The following SCUBE1 variants were observed in gnomAD, a reference collection of about 807,000 sequenced individuals.
SCUBE1 encodes the protein signal peptide, CUB and EGF-like domain-containing protein 1.
SCUBE1 carries 59 observed loss-of-function variants against 124.4 expected under a neutral mutation model. The ratio of observed to expected loss-of-function variants is 0.47; its 90% CI spans 0.38 to 0.59. The LOEUF (loss-of-function observed/expected upper bound fraction) is 0.59, where lower values mean the gene tolerates loss of function less well. Ranked by LOEUF, SCUBE1 falls within the 20% of genes least tolerant of loss-of-function variation. The probability of loss-of-function intolerance (pLI) is 0.00; values close to 1 mark genes in which losing one functional copy is unlikely to be tolerated. For missense variants in SCUBE1, 1,150 were observed against 1,371.2 expected, an observed-to-expected ratio of 0.84 and a Z score of 2.55; for synonymous variants, 545 against 550.9, an observed-to-expected ratio of 0.99 and a Z score of 0.15.
At chr22:43,215,412 A>G (rs1009230298) in intron 15 of SCUBE1, among the ~76,000 whole-genome samples, 1 of 152,222 alleles carries the variant, frequency 6.6e-6, no homozygotes, top group African/African-American at 2.4e-5. Context: ...GTGACTAGTG[A>G]GCGTGGAACA....
At chr22:43,311,876 C>T (rs1926182980) in intron 3 of SCUBE1, among the ~76,000 whole-genome samples, 1 of 152,266 alleles carries the variant, frequency 6.6e-6, no homozygotes, top group South Asian at 2.1e-4. Context: ...GTATTTAGGA[C>T]CCTAAAACTC....
intron 7 of SCUBE1, among the ~76,000 whole-genome samples, chr22:43,236,790 A>G (rs2146683951): frequency 6.6e-6 from 1 of 152,266 alleles, no homozygotes; most frequent in Middle Eastern, 3.4e-3. Context: ...ATACTCAATT[A>G]TCTCAGTGAT....
At chr22:43,253,048 C>T (rs966745359) in intron 6 of SCUBE1, among the ~76,000 whole-genome samples, 1 of 145,544 alleles carries the variant, frequency 6.9e-6, no homozygotes, top group African/African-American at 2.7e-5. Flanking sequence ...TCTATTAATA[C>T]AATGTGGGGG....
At chr22:43,312,252 T>C (rs1926196373) in intron 3 of SCUBE1, among the ~76,000 whole-genome samples, 2 of 152,210 alleles carry the variant, frequency 1.3e-5, no homozygotes, top group African/African-American at 4.8e-5. Context: ...CAAATTCTGC[T>C]TTTGGGGAAG....
At chr22:43,233,512 C>A (rs9620126) in intron 7 of SCUBE1, 35,750 of 152,096 alleles carry the variant, frequency 0.24, 4,596 homozygotes, top group Middle Eastern at 0.32. Flanking sequence ...CACGTCTCAG[C>A]AGACCTGCCA....
intron 15 of SCUBE1, among the ~76,000 whole-genome samples, chr22:43,215,415 G>A (rs1333049555): frequency 6.6e-6 from 1 of 152,238 alleles, no homozygotes; most frequent in African/African-American, 2.4e-5. Context: ...ACTAGTGAGC[G>A]TGGAACATGG....
In SCUBE1 at chr22:43,258,104, T is replaced by C. The variant is rs1339980637; in HGVS notation, c.727+115A>G. 2 of 795,368 alleles carry C rather than the reference T, an allele frequency of 2.5e-6. No individual in the cohort carries two copies. Among genetic ancestry groups the C allele is most frequent in the Non-Finnish European group, 4.3e-6 (2 of 466,426 alleles). 49.3% of individuals were successfully genotyped at this position (795,368 alleles called of 1,614,324 possible). On this transcript the variant is annotated intron_variant, in intron 6 of 21. Coordinates refer to ENST00000360835, the MANE Select transcript of SCUBE1 (RefSeq NM_173050.5). The surrounding 1 kb of genome is among the most constrained non-coding windows in gnomAD (Gnocchi z 5.0). The stretch of plus-strand genomic sequence containing the variant: ...ATGGGCTTGCCTTTCCTTGTTTCCC[T>C]GAAGCTTCCTTCCGGGGAACCCGGA...
chr22:43,304,067 T>C (rs1428323163), intron 3 of SCUBE1, among the ~76,000 whole-genome samples: 1 of 152,206 alleles, frequency 6.6e-6, no homozygotes, highest in Non-Finnish European at 1.5e-5. Flanking sequence ...GCCCTTTTCA[T>C]TTAAGGGATT....
chr22:43,214,437 G>A lies in SCUBE1; in HGVS notation c.1892-186C>T, dbSNP rs958593551. Among the ~76,000 whole-genome samples the A allele has an allele frequency of 2.0e-4, 30 of 152,216 alleles. 1 individual carries two copies. The highest frequency in any genetic ancestry group is 7.0e-4 in the African/African-American group (29 of 41,450). On this transcript the variant is annotated intron_variant, in intron 15 of 21. Coordinates refer to ENST00000360835, the MANE Select transcript of SCUBE1 (RefSeq NM_173050.5). ...CAAGACCCAGGAGGCAGCCATCTGT[G>A]AGGGCCATGAAGCCTGGCCCCTCTG...
intron 3 of SCUBE1, among the ~76,000 whole-genome samples, chr22:43,294,370 T>A (rs1437376823): frequency 6.6e-6 from 1 of 152,058 alleles, no homozygotes; most frequent in Non-Finnish European, 1.5e-5. Context: ...AGCATCCAAC[T>A]GCAGCAGCTG....
At position 43,199,052 on chromosome 22, in the gene SCUBE1, CTGTT is replaced by C. The variant is rs1282190136; in HGVS notation, c.*4941_*4944del. 1 of 108,906 alleles carries C rather than the reference CTGTT, an allele frequency of 9.2e-6. No homozygotes were observed. Among genetic ancestry groups the C allele is most frequent in the South Asian group, 4.5e-5 (1 of 22,074 alleles). The allele number at this position is 108,906 out of a possible 1,614,324, so 6.7% of individuals were successfully genotyped here. ...CTCTCTGCTGTCCAGGGCAATGTGT[CTGTT>C]TGTCTGTCTGCTGTCCGGGGCAGTT... On this transcript the variant is annotated 3_prime_UTR_variant, in exon 22 of 22. Transcript: ENST00000360835.
intron 5 of SCUBE1, among the ~76,000 whole-genome samples, chr22:43,260,134 T>C (rs756361012): frequency 2.0e-5 from 3 of 152,064 alleles, no homozygotes; most frequent in Non-Finnish European, 4.4e-5. Flanking sequence ...GGGGTGCAGC[T>C]GGGGAGAAGG....
chr22:43,204,024 C>T lies in SCUBE1; in HGVS notation c.2940G>A (p.Val980=), dbSNP rs1921116388. The T allele has an allele frequency of 6.2e-6, 10 of 1,614,174 alleles. No homozygotes were observed. Among genetic ancestry groups the T allele is most frequent in the Non-Finnish European group, 8.5e-6 (10 of 1,180,024 alleles). Residue 980 remains valine (V), a synonymous_variant, in exon 22 of 22, where the codon GTG becomes GTA. Transcript: ENST00000360835. ...RSFIKLLRSK[V]SRFLRPYK ...ATTTGTAGGGCCGCAGGAACCGAGACACTTTGGAGCGCAGCAGTTTGATGA... is the reference window on the plus strand; with the variant it reads ...ATTTGTAGGGCCGCAGGAACCGAGATACTTTGGAGCGCAGCAGTTTGATGA...
At chr22:43,225,801 G>C (rs1396507770) in intron 10 of SCUBE1, among the ~76,000 whole-genome samples, 1 of 151,970 alleles carries the variant, frequency 6.6e-6, no homozygotes, top group Non-Finnish European at 1.5e-5. Context: ...GCTCACCACA[G>C]AGCAATGACC....
rs73886450 is a variant in SCUBE1 at position 43,218,483 on chromosome 22, A to G, written c.1688-25T>C. ...TCTGCAGGGGCAGGAGAGACAGAAC[A>G]TGAATCGCTGGCAACCTTGCTAGCC... On this transcript the variant is annotated intron_variant, in intron 14 of 21. Transcript: ENST00000360835. 2.5e-3 allele frequency: 4,037 copies of G among 1,602,038 alleles called. 95 individuals are homozygous for G. In the African/African-American group the frequency reaches 0.048, roughly 19 times the overall value.
At chr22:43,312,349 T>C (rs935493468) in intron 3 of SCUBE1, among the ~76,000 whole-genome samples, 4 of 152,106 alleles carry the variant, frequency 2.6e-5, no homozygotes, top group Admixed American at 6.5e-5. Context: ...GGAGGTTTGG[T>C]TGGGGCTTGA....
intron 15 of SCUBE1, among the ~76,000 whole-genome samples, chr22:43,215,315 C>A (rs60415818): frequency 0.18 from 27,891 of 152,122 alleles, 4,037 homozygotes; most frequent in African/African-American, 0.4. Flanking sequence ...AATGGATCAC[C>A]ACGCAATGAG....
Position 43,339,211 on chromosome 22 carries a change from G to C in SCUBE1, c.113C>G (p.Ser38Ter). 6.2e-7 allele frequency: 1 copy of C among 1,613,712 alleles called. No individual in the cohort carries two copies. Among genetic ancestry groups the C allele is most frequent in the Non-Finnish European group, 8.5e-7 (1 of 1,179,740 alleles). ...LPGSVDVDEC[S>*]EGTDDCHIDA... is the part of the protein sequence containing the mutation. Reference sequence around the variant, plus strand: ...GATGTGGCAGTCATCTGTGCCCTCTGAGCACTCATCCACGTCGACTGACCC... The same window carrying C: ...GATGTGGCAGTCATCTGTGCCCTCTCAGCACTCATCCACGTCGACTGACCC... Residue 38 changes from serine to a stop codon, truncating the protein, a stop_gained, in exon 2 of 22, where the codon TCA becomes TGA. Transcript: ENST00000360835. LOFTEE classifies it high-confidence loss of function.
intron 6 of SCUBE1, among the ~76,000 whole-genome samples, chr22:43,246,323 C>T (rs961106438): frequency 6.6e-6 from 1 of 152,124 alleles, no homozygotes; most frequent in African/African-American, 2.4e-5. Context: ...GGCCGTGCCC[C>T]AGGAGGCTTG....
Sources: gnomAD v4.1 joint callset for allele counts (sites outside exome capture counted in the v4.1 genomes callset) on GRCh38, gnomAD v4.1.1 for gene constraint, Gnocchi (gnomAD v3.1) non-coding constraint, MANE v1.5 for transcripts, NCBI Gene and HGNC (gene_info 2026-07-23, HGNC 2026-07-21) for gene names.